The following TBC1D9 variants were observed in gnomAD, a reference collection of about 807,000 sequenced individuals.
TBC1D9 encodes TBC1 domain family member 9, also known as TBC1 domain family member 9A.
A neutral mutation model predicts 132.0 loss-of-function variants in TBC1D9; 63 were observed. The observed-to-expected ratio is 0.48, with a 90% CI of 0.39 to 0.59. TBC1D9 has a LOEUF of 0.59. TBC1D9 is among the 20% of genes least tolerant of loss of function. TBC1D9 has a pLI of 0.00. For synonymous variants in TBC1D9, 610 were observed against 609.9 expected (o/e 1.00, Z 0.00); for missense variants, 1,261 against 1,592.7 (o/e 0.79, Z 3.54).
chr4:140,733,047 C>T (rs961455567), intron 1 of TBC1D9, among the ~76,000 whole-genome samples: 2 of 152,154 alleles, frequency 1.3e-5, no homozygotes, highest in Admixed American at 1.3e-4. Context: ...TTCCATTTAT[C>T]ACCTTGTACT....
At chr4:140,749,852 AATAC>A (rs1270530118) in intron 1 of TBC1D9, among the ~76,000 whole-genome samples, 5 of 152,286 alleles carry the variant, frequency 3.3e-5, no homozygotes, top group Non-Finnish European at 5.9e-5. Flanking sequence ...CAATTCTGGA[AATAC>A]ATGTGAACAT....
At chr4:140,643,450 T>C in intron 13 of TBC1D9, 1 of 927,950 alleles carries the variant, frequency 1.1e-6, no homozygotes, top group South Asian at 1.4e-5. Flanking sequence ...TGCTCAGAGC[T>C]TGCCTCTTCC....
chr4:140,664,234 T>G (rs903364662), intron 9 of TBC1D9, among the ~76,000 whole-genome samples: 1 of 152,248 alleles, frequency 6.6e-6, no homozygotes, highest in South Asian at 2.1e-4. Flanking sequence ...AATGAGTTCA[T>G]GAAGGCTGCA....
chr4:140,719,483 C>T (rs944118675), intron 1 of TBC1D9, among the ~76,000 whole-genome samples: 2 of 152,070 alleles, frequency 1.3e-5, no homozygotes, highest in African/African-American at 4.8e-5. Context: ...GAAGGAAGTG[C>T]TTGCTAAAGT....
intron 2 of TBC1D9, among the ~76,000 whole-genome samples, chr4:140,687,298 A>C (rs1398185569): frequency 1.4e-5 from 2 of 141,154 alleles, no homozygotes; most frequent in Admixed American, 7.3e-5. Context: ...CGTATATCAT[A>C]TATATGTGTG....
At chr4:140,739,943 A>G (rs116015597) in intron 1 of TBC1D9, among the ~76,000 whole-genome samples, 129 of 152,338 alleles carry the variant, frequency 8.5e-4, no homozygotes, top group African/African-American at 3.0e-3. Flanking sequence ...ACAGAGACCA[A>G]ATCCTTAATG....
At chr4:140,673,726 T>C (rs1737576990) in intron 6 of TBC1D9, among the ~76,000 whole-genome samples, 1 of 152,170 alleles carries the variant, frequency 6.6e-6, no homozygotes. Flanking sequence ...ACTGCCTCTC[T>C]TCTGATTTAC....
At position 140,669,735 on chromosome 4, in the gene TBC1D9, C is replaced by G. The variant is rs1340319797; in HGVS notation, c.1336G>C (p.Glu446Gln). The change falls in exon 8 of 21, where the codon GAG becomes CAG. Residue 446 changes from glutamate (E) to glutamine (Q), a missense_variant. Glu to Gln is a conservative substitution (Grantham distance 29). Around this residue, in one of 3 missense-constraint regions of TBC1D9, gnomAD observed 550 missense variants for 699.0 expected, o/e 0.79. Transcript: ENST00000442267. The stretch of plus-strand genomic sequence containing the variant: ...TTGCCATTTAGGTTAAACTGGCGCT[C>G]TCCATCAGCATCAGAGCTCGTGCTT... ...QRSTSSDADGERQFNLNGNSV... is the reference protein window; with the variant it reads ...QRSTSSDADGQRQFNLNGNSV... 2 of 1,613,894 alleles carry G rather than the reference C, an allele frequency of 1.2e-6. No homozygotes were observed. The highest frequency in any genetic ancestry group is 2.2e-5 in the South Asian group (2 of 91,088).
chr4:140,684,043 T>A (rs958645463), intron 3 of TBC1D9, among the ~76,000 whole-genome samples: 4 of 151,984 alleles, frequency 2.6e-5, no homozygotes, highest in Non-Finnish European at 5.9e-5. Flanking sequence ...TAGATACTGG[T>A]CAAGAAAAAA....
intron 2 of TBC1D9, among the ~76,000 whole-genome samples, chr4:140,695,897 A>G (rs1235687405): frequency 6.6e-6 from 1 of 152,234 alleles, no homozygotes; most frequent in African/African-American, 2.4e-5. Flanking sequence ...GTCAGAGTAC[A>G]GTAAATCAGC....
chr4:140,743,914 C>G (rs148896436), intron 1 of TBC1D9, among the ~76,000 whole-genome samples: 6 of 152,148 alleles, frequency 3.9e-5, no homozygotes, highest in Non-Finnish European at 5.9e-5. Flanking sequence ...ATTTCTAGGA[C>G]GCTTGGAGTA....
intron 2 of TBC1D9, among the ~76,000 whole-genome samples, chr4:140,697,096 G>T (rs1208282875): frequency 6.6e-6 from 1 of 152,158 alleles, no homozygotes; most frequent in Non-Finnish European, 1.5e-5. Flanking sequence ...TTAATAGGTG[G>T]CCTGGTGTGG....
At chr4:140,687,321 A>ATGTGTG (rs138113974) in intron 2 of TBC1D9, among the ~76,000 whole-genome samples, 1,838 of 97,372 alleles carry the variant, frequency 0.019, 147 homozygotes, top group East Asian at 0.046. Flanking sequence ...ATATATATAT[A>ATGTGTG]TGTGTGTGTG....
intron 1 of TBC1D9, among the ~76,000 whole-genome samples, chr4:140,711,156 C>T (rs1738237448): frequency 6.6e-6 from 1 of 152,174 alleles, no homozygotes; most frequent in Admixed American, 6.5e-5. Flanking sequence ...AAGGCGGGGG[C>T]TTAATTTAAT....
At chr4:140,718,295 C>T (rs1487937510) in intron 1 of TBC1D9, among the ~76,000 whole-genome samples, 1 of 147,584 alleles carries the variant, frequency 6.8e-6, no homozygotes, top group South Asian at 2.1e-4. Flanking sequence ...TGGGAGGTGA[C>T]TCACAGGACA....
At chr4:140,662,317 G>A (rs527784948) in intron 9 of TBC1D9, among the ~76,000 whole-genome samples, 4 of 152,238 alleles carry the variant, frequency 2.6e-5, no homozygotes, top group Admixed American at 2.6e-4. Flanking sequence ...TCCATAGTAG[G>A]CTGGCTACTT....
chr4:140,655,617 T>C (rs926065252), intron 13 of TBC1D9, among the ~76,000 whole-genome samples: 1 of 152,154 alleles, frequency 6.6e-6, no homozygotes. Flanking sequence ...TTATGAGCAC[T>C]TGGGGCCCCA....
intron 13 of TBC1D9, chr4:140,643,107 G>A: frequency 7.1e-7 from 1 of 1,400,498 alleles, no homozygotes; most frequent in Non-Finnish European, 9.9e-7. Context: ...GGGAGCCGCA[G>A]GTTCTTGAGC....
chr4:140,646,475 A>C (rs1323003129), intron 13 of TBC1D9, among the ~76,000 whole-genome samples: 3 of 152,234 alleles, frequency 2.0e-5, no homozygotes, highest in Admixed American at 6.5e-5. Context: ...ATACTTTTTT[A>C]CTATAAGTAT....
Sources: gnomAD v4.1 joint callset for allele counts (sites outside exome capture counted in the v4.1 genomes callset) on GRCh38, gnomAD v4.1.1 for gene constraint, gnomAD v4.1.1 regional missense constraint, MANE v1.5 for transcripts, NCBI Gene and HGNC (gene_info 2026-07-23, HGNC 2026-07-21) for gene names.